The following AKT3 variants were observed in gnomAD, a reference collection of about 807,000 sequenced individuals.
AKT3 encodes AKT serine/threonine kinase 3.
AKT3 carries 15 observed loss-of-function variants against 65.3 expected under a neutral mutation model. The ratio of observed to expected loss-of-function variants is 0.23; its 90% CI spans 0.15 to 0.35. AKT3 has a LOEUF of 0.35. AKT3 is among the 10% of genes least tolerant of loss of function. The pLI, the probability that AKT3 is intolerant of heterozygous loss-of-function variation, is 1.00. For synonymous variants in AKT3, 206 were observed against 183.8 expected (o/e 1.12, Z -0.98); for missense variants, 243 against 576.5 (o/e 0.42, Z 5.92).
intron 8 of AKT3, among the ~76,000 whole-genome samples, chr1:243,611,920 T>C (rs1677900853): frequency 6.6e-6 from 1 of 152,180 alleles, no homozygotes; most frequent in Admixed American, 6.5e-5. Context: ...AGATCATCCA[T>C]AAAGCATTTT....
intron 8 of AKT3, among the ~76,000 whole-genome samples, chr1:243,597,408 G>GT (rs532151265): frequency 6.5e-4 from 99 of 152,236 alleles, no homozygotes; most frequent in South Asian, 2.1e-3. Context: ...TTTCTAGATG[G>GT]TAAGATTTAG....
At chr1:243,588,733 C>T (rs1279478488) in intron 8 of AKT3, among the ~76,000 whole-genome samples, 1 of 151,994 alleles carries the variant, frequency 6.6e-6, no homozygotes, top group East Asian at 1.9e-4. Context: ...TATCAAAAAA[C>T]CAACTCAAAA....
At chr1:243,850,469 C>G (rs1695733144), upstream of AKT3, among the ~76,000 whole-genome samples, 2 of 151,282 alleles carry the variant, frequency 1.3e-5, no homozygotes, top group Non-Finnish European at 3.0e-5. Context: ...GCTCTGGGCC[C>G]CGGGGCGCGC....
chr1:243,733,513 A>G (rs1376326052), intron 2 of AKT3, among the ~76,000 whole-genome samples: 1 of 152,230 alleles, frequency 6.6e-6, no homozygotes, highest in East Asian at 1.9e-4. Context: ...CACAAAAACA[A>G]TATTAAGTGA....
At chr1:243,808,827 G>A (rs1692923328) in intron 2 of AKT3, among the ~76,000 whole-genome samples, 1 of 152,322 alleles carries the variant, frequency 6.6e-6, no homozygotes, top group East Asian at 1.9e-4. Context: ...ACTAACAGCT[G>A]ATCTCTCGGC....
intron 2 of AKT3, among the ~76,000 whole-genome samples, chr1:243,721,759 A>G (rs1483547780): frequency 2.0e-5 from 3 of 152,134 alleles, no homozygotes; most frequent in Non-Finnish European, 4.4e-5. Context: ...AGAAGGTATC[A>G]AAATATTTGT....
Position 243,509,268 on chromosome 1 carries a change from C to T in AKT3, c.1354+3056G>A, listed in dbSNP as rs187092558. Among the ~76,000 whole-genome samples, 129 of 152,262 alleles carry T rather than the reference C, an allele frequency of 8.5e-4. 1 individual carries two copies. The highest frequency in any genetic ancestry group is 2.9e-3 in the African/African-American group (121 of 41,534). ...CAAGGAACTAGGTTCAAATTATGTT[C>T]TAGAAACTGTGCTGGGGGACTTCTA... On this transcript the variant is annotated intron_variant, in intron 13 of 13. Coordinates refer to ENST00000673466, the MANE Select transcript of AKT3 (RefSeq NM_005465.7).
chr1:243,643,790 G>A (rs1009731166), intron 5 of AKT3, among the ~76,000 whole-genome samples: 4 of 152,196 alleles, frequency 2.6e-5, no homozygotes, highest in African/African-American at 9.6e-5. Flanking sequence ...ATTAAAGAAG[G>A]AAATGTATCC....
intron 8 of AKT3, chr1:243,613,116 T>C (rs1207578974): frequency 7.0e-6 from 1 of 142,942 alleles, no homozygotes; most frequent in Non-Finnish European, 1.5e-5. Flanking sequence ...TACCCACCCA[T>C]ATATATACAT....
At chr1:243,723,039 G>A (rs1482397839) in intron 2 of AKT3, among the ~76,000 whole-genome samples, 2 of 152,164 alleles carry the variant, frequency 1.3e-5, no homozygotes. Flanking sequence ...ATGACTATAT[G>A]CTGTTATGCT....
chr1:243,690,670 G>A (rs1684632342), intron 3 of AKT3, among the ~76,000 whole-genome samples: 1 of 151,024 alleles, frequency 6.6e-6, no homozygotes, highest in Middle Eastern at 3.4e-3. Context: ...TAATTTAAGT[G>A]CTGGAAATGG....
At chr1:243,848,046 A>G (rs1191573605) in intron 1 of AKT3, among the ~76,000 whole-genome samples, 2 of 152,194 alleles carry the variant, frequency 1.3e-5, no homozygotes, top group Non-Finnish European at 2.9e-5. Context: ...GTAAGAAAAC[A>G]TGCTGCAAAA....
At chr1:243,845,980 G>T (rs1272934517) in intron 1 of AKT3, among the ~76,000 whole-genome samples, 1 of 152,148 alleles carries the variant, frequency 6.6e-6, no homozygotes, top group African/African-American at 2.4e-5. Context: ...AGCATTAGAT[G>T]AACTCTGAAT....
At chr1:243,649,384 A>C (rs1329644454) in intron 4 of AKT3, among the ~76,000 whole-genome samples, 5 of 151,002 alleles carry the variant, frequency 3.3e-5, no homozygotes, top group Non-Finnish European at 1.5e-5. Flanking sequence ...GTGTGTATAT[A>C]TATATGTTAT....
chr1:243,794,550 CTTTTA>C (rs1691833325), intron 2 of AKT3: 1 of 152,194 alleles, frequency 6.6e-6, no homozygotes, highest in Non-Finnish European at 1.5e-5. Context: ...TTCATATTTT[CTTTTA>C]TAACATTCTT....
In AKT3 at chr1:243,688,990, G is replaced by A. The variant is rs552461348; in HGVS notation, c.172+6601C>T. Among the ~76,000 whole-genome samples, 110 of 151,814 alleles carry A rather than the reference G, an allele frequency of 7.2e-4. 4 individuals carry two copies. The highest frequency in any genetic ancestry group is 1.3e-4 in the Non-Finnish European group (9 of 67,990). On this transcript the variant is annotated intron_variant, in intron 3 of 13. Transcript: ENST00000673466. ...AACATAATCAAATCCTCTTCTTCAG[G>A]GCTCATGTTAACCCCATCTCCTGAG... is the stretch of plus-strand genomic sequence containing the variant.
chr1:243,492,295 C>CATTT (rs1666652943), intron 13 of AKT3, among the ~76,000 whole-genome samples: 1 of 63,124 alleles, frequency 1.6e-5, no homozygotes, highest in African/African-American at 6.7e-5. Context: ...CGTTTCTTGG[C>CATTT]TTTTTTTTTT....
In AKT3 at chr1:243,691,699, A is replaced by G. The variant is rs7554889; in HGVS notation, c.172+3892T>C. The stretch of plus-strand genomic sequence containing the variant: ...ACTGAGTACAAAGGAAGAAATAGAC[A>G]AAATTATCTTGAGTTTATCTTAGGA... On this transcript the variant is annotated intron_variant, in intron 3 of 13. Coordinates refer to ENST00000673466, the MANE Select transcript of AKT3 (RefSeq NM_005465.7). Among the ~76,000 whole-genome samples the G allele has an allele frequency of 4.2e-3, 639 of 152,302 alleles. 5 individuals are homozygous for G. The highest frequency in any genetic ancestry group is 0.015 in the African/African-American group (615 of 41,556).
chr1:243,531,117 C>T (rs1671494581), intron 12 of AKT3, among the ~76,000 whole-genome samples: 1 of 152,058 alleles, frequency 6.6e-6, no homozygotes, highest in Non-Finnish European at 1.5e-5. Flanking sequence ...TGAGATGAGG[C>T]CTCGTTCTGT....
Sources: allele counts gnomAD v4.1 joint callset (sites outside exome capture counted in the v4.1 genomes callset), GRCh38; gene constraint gnomAD v4.1.1; transcripts MANE v1.5; gene names NCBI Gene and HGNC (gene_info 2026-07-23, HGNC 2026-07-21).